TFAP2C: variants seen among roughly 807,000 people sequenced by gnomAD.
TFAP2C encodes transcription factor AP-2 gamma, also known as activating enhancer-binding protein 2 gamma.
Under a neutral mutation model 42.9 loss-of-function variants are expected in TFAP2C, and 9 were observed. That is an observed-to-expected ratio of 0.21 (90% CI 0.13 to 0.37). The LOEUF (loss-of-function observed/expected upper bound fraction) is 0.37. Among genes scored for constraint, TFAP2C ranks in the 10% least tolerant of loss-of-function variants. The pLI is 1.00. For synonymous variants in TFAP2C, 264 were observed against 256.0 expected, an observed-to-expected ratio of 1.03 and a Z score of -0.30; for missense variants, 462 against 591.7, an observed-to-expected ratio of 0.78 and a Z score of 2.27.
rs114697045 is a variant in TFAP2C, at chr20:56,629,660, C to A, written c.48+68C>A. 8.8e-4 allele frequency: 1,132 copies of A among 1,282,668 alleles called. 9 individuals carry two copies. In the African/African-American group the frequency reaches 0.014, roughly 16 times the overall value. 79.5% of individuals were successfully genotyped at this position (1,282,668 alleles called of 1,614,324 possible). A position where few individuals can be genotyped will look rare whatever the true frequency, so the allele number is the denominator to read the frequency against. The stretch of plus-strand genomic sequence containing the variant: ...AGTCCGGGAGGCAGGGGCCACTGGA[C>A]CGAGGTCGGGGACGAGGGCATAGGA... On this transcript the variant is annotated intron_variant, in intron 1 of 6. Transcript: ENST00000201031. The surrounding 1 kb of genome is among the most constrained non-coding windows in gnomAD (Gnocchi z 5.9).
intron 5 of TFAP2C, among the ~76,000 whole-genome samples, chr20:56,635,698 TTTGA>T (rs1987570866): frequency 6.6e-6 from 1 of 152,170 alleles, no homozygotes; most frequent in Non-Finnish European, 1.5e-5. Context: ...CATGGGTATG[TTTGA>T]TTATCTGTTG....
rs1457926516 is a variant in TFAP2C, at chr20:56,630,540, G to A, written c.49-665G>A. ...CGAGAACACTGCCCTTGGCAGTGCAGGGCGCCCCCACTTATTACTCCCCTC... is the reference window on the plus strand; with the variant it reads ...CGAGAACACTGCCCTTGGCAGTGCAAGGCGCCCCCACTTATTACTCCCCTC... On this transcript the variant is annotated intron_variant, in intron 1 of 6. Transcript: ENST00000201031. This position sits in a 1 kb window ranked among gnomAD's most constrained non-coding sequence, Gnocchi z 5.1. Among the ~76,000 whole-genome samples the A allele has an allele frequency of 6.6e-6, 1 of 152,186 alleles. No homozygotes were observed. The highest frequency in any genetic ancestry group is 1.5e-5 in the Non-Finnish European group (1 of 68,016).
In TFAP2C at chr20:56,631,679, G is replaced by C; in HGVS notation, c.523G>C (p.Asp175His). 1 of 1,590,428 alleles carries C rather than the reference G, an allele frequency of 6.3e-7. No homozygotes were observed. The highest frequency in any genetic ancestry group is 8.5e-7 in the Non-Finnish European group (1 of 1,169,968). Reference sequence around the variant, plus strand: ...GCTCCACGACATGCCTCACCAGATGGACGAGGTGCAGGTGAGCGGCGCTGC... The same window carrying C: ...GCTCCACGACATGCCTCACCAGATGCACGAGGTGCAGGTGAGCGGCGCTGC... ...LGLHDMPHQM[D>H]EVQNVDDQHL... The change falls in exon 2 of 7, where the codon GAC becomes CAC. Residue 175 changes from aspartate (D) to histidine (H), a missense_variant. By Grantham distance (81) the Asp-to-His change is moderately conservative (BLOSUM62 -1). This residue lies in a region of TFAP2C where 271 missense variants were observed against 269.7 expected (regional missense o/e 1.00). Transcript: ENST00000201031. This position sits in a 1 kb window ranked among gnomAD's most constrained non-coding sequence, Gnocchi z 6.1.
rs752617734 is a variant in TFAP2C, at chr20:56,629,497, G to A, written c.-48G>A. The A allele has an allele frequency of 1.4e-6, 2 of 1,383,774 alleles. No homozygotes were observed. Among genetic ancestry groups the A allele is most frequent in the Non-Finnish European group, 1.9e-6 (2 of 1,063,682 alleles). The allele number at this position is 1,383,774 out of a possible 1,614,324, so 85.7% of individuals were successfully genotyped here. A position where few individuals can be genotyped will look rare whatever the true frequency, so the allele number is the denominator to read the frequency against. ...TTTGGATTTACCGCTTGGGGGCTGG[G>A]GGGATCCTGGATTTAACTGGCGACT... On this transcript the variant is annotated 5_prime_UTR_variant, in exon 1 of 7. Transcript: ENST00000201031. The surrounding 1 kb of genome is among the most constrained non-coding windows in gnomAD (Gnocchi z 5.9).
At chr20:56,634,338 A>G in intron 5 of TFAP2C, 70 bp downstream of exon 5, 3 of 1,107,122 alleles carry the variant, frequency 2.7e-6, no homozygotes, top group Non-Finnish European at 2.7e-6. Flanking sequence ...CTTATTGCAG[A>G]AAAACTGGAA....
Position 56,633,501 on chromosome 20 carries a change from T to C in TFAP2C, c.735T>C (p.Ala245=). 1.9e-6 allele frequency: 3 copies of C among 1,614,172 alleles called. No individual in the cohort carries two copies. The highest frequency in any genetic ancestry group is 2.5e-6 in the Non-Finnish European group (3 of 1,180,030). The part of the protein sequence containing the change: ...SSTSKYKVTV[A]EVQRRLSPPE... ...CGTCTAAATACAAAGTGACAGTGGC[T>C]GAAGTACAGAGGCGACTGTCCCCAC... The change falls in exon 4 of 7, where the codon GCT becomes GCC. Residue 245 remains alanine, a synonymous_variant. Transcript: ENST00000201031.
At position 56,630,636 on chromosome 20, in the gene TFAP2C, G is replaced by T. The variant is rs1987469934; in HGVS notation, c.49-569G>T. ...CTCTTCACTTCCCAGGGCGGCGCAG[G>T]GTGGCGGGCCCTGCTTTCCGAGCGC... On this transcript the variant is annotated intron_variant, in intron 1 of 6. Transcript: ENST00000201031. This position sits in a 1 kb window ranked among gnomAD's most constrained non-coding sequence, Gnocchi z 5.1. 2.1e-6 allele frequency: 2 copies of T among 961,238 alleles called. No individual in the cohort carries two copies. Among genetic ancestry groups the T allele is most frequent in the Admixed American group, 1.2e-4 (2 of 16,234 alleles). 59.5% of individuals were successfully genotyped at this position (961,238 alleles called of 1,614,324 possible).
At chr20:56,632,250 T>C (rs1324886290) in intron 3 of TFAP2C, among the ~76,000 whole-genome samples, 1 of 152,184 alleles carries the variant, frequency 6.6e-6, no homozygotes, top group Non-Finnish European at 1.5e-5. Context: ...TAAGTTGTGA[T>C]TTTATTTTTG....
chr20:56,630,137 T>G lies in TFAP2C; in HGVS notation c.48+545T>G. ...TGGGGCCGTAAGAGCTCGCGAGTGCTCCAGCCTGTCGGACAGGTTGAGCTA... is the reference window on the plus strand; with the variant it reads ...TGGGGCCGTAAGAGCTCGCGAGTGCGCCAGCCTGTCGGACAGGTTGAGCTA... On this transcript the variant is annotated intron_variant, in intron 1 of 6. Coordinates refer to ENST00000201031, the MANE Select transcript of TFAP2C (RefSeq NM_003222.4). The surrounding 1 kb of genome is among the most constrained non-coding windows in gnomAD (Gnocchi z 5.1). The G allele has an allele frequency of 4.3e-6, 1 of 232,218 alleles. No individual in the cohort carries two copies. The allele number at this position is 232,218 out of a possible 1,614,324, so 14.4% of individuals were successfully genotyped here.
Position 56,630,333 on chromosome 20 carries a change from G to T in TFAP2C, c.48+741G>T. On this transcript the variant is annotated intron_variant, in intron 1 of 6. Transcript: ENST00000201031. The surrounding 1 kb of genome is among the most constrained non-coding windows in gnomAD (Gnocchi z 5.1). ...AGGGCTGCCCCTGCCCGCAGGCCCG[G>T]GCGCTTCCGCCAGGAGGCGACAGCG... is the stretch of plus-strand genomic sequence containing the variant. The T allele has an allele frequency of 2.3e-6, 1 of 440,932 alleles. No individual in the cohort carries two copies. 27.3% of individuals were successfully genotyped at this position (440,932 alleles called of 1,614,324 possible). A position where few individuals can be genotyped will look rare whatever the true frequency, so the allele number is the denominator to read the frequency against.
intron 5 of TFAP2C, among the ~76,000 whole-genome samples, chr20:56,634,641 C>T (rs572444321): frequency 6.6e-6 from 1 of 152,278 alleles, no homozygotes; most frequent in African/African-American, 2.4e-5. Flanking sequence ...TGGTTACTTA[C>T]TGGTGAGCAG....
In TFAP2C at chr20:56,630,726, G is replaced by T. The variant is rs1180914498; in HGVS notation, c.49-479G>T. 8 of 985,250 alleles carry T rather than the reference G, an allele frequency of 8.1e-6. No homozygotes were observed. The South Asian group carries it at 2.3e-4, about 29-fold the overall frequency. 61.0% of individuals were successfully genotyped at this position (985,250 alleles called of 1,614,324 possible). On this transcript the variant is annotated intron_variant, in intron 1 of 6. Coordinates refer to ENST00000201031, the MANE Select transcript of TFAP2C (RefSeq NM_003222.4). The surrounding 1 kb of genome is among the most constrained non-coding windows in gnomAD (Gnocchi z 5.1). The stretch of plus-strand genomic sequence containing the variant: ...AGGGTCCCGGGGGCGGGGGAGGTGC[G>T]CATTTCCCGCGCCGCGCACTCTATC...
At chr20:56,636,788 AATGCTCTAGACCTTG>A in intron 6 of TFAP2C, 34 bp downstream of exon 6, 1 of 1,601,216 alleles carries the variant, frequency 6.2e-7, no homozygotes. Context: ...ATGATGACTC[AATGCTCTAGACCTTG>A]AGGTTGAGAA....
At position 56,630,474 on chromosome 20, in the gene TFAP2C, AAT is replaced by A. The variant is rs901006188; in HGVS notation, c.49-730_49-729del. On this transcript the variant is annotated intron_variant, in intron 1 of 6. Coordinates refer to ENST00000201031, the MANE Select transcript of TFAP2C (RefSeq NM_003222.4). The surrounding 1 kb of genome is among the most constrained non-coding windows in gnomAD (Gnocchi z 5.1). ...GGAACGTGCGCGGGCAAGGCTGCCC[AAT>A]TTCCAGGGTTCTTCATGCCCCCTCT... 1 of 371,772 alleles carries A rather than the reference AAT, an allele frequency of 2.7e-6. No individual in the cohort carries two copies. The highest frequency in any genetic ancestry group is 2.2e-5 in the African/African-American group (1 of 46,068). The allele number at this position is 371,772 out of a possible 1,614,324, so 23.0% of individuals were successfully genotyped here.
At chr20:56,632,837 C>G (rs1987516922) in intron 3 of TFAP2C, among the ~76,000 whole-genome samples, 1 of 152,030 alleles carries the variant, frequency 6.6e-6, no homozygotes, top group African/African-American at 2.4e-5. Context: ...AAAAGAAACC[C>G]TCCAAGCTTT....
rs1009515472 is a variant in TFAP2C at position 56,630,026 on chromosome 20, C to T, written c.48+434C>T. On this transcript the variant is annotated intron_variant, in intron 1 of 6. Transcript: ENST00000201031. This position sits in a 1 kb window ranked among gnomAD's most constrained non-coding sequence, Gnocchi z 5.1. ...CGGCTTGTCACCTGCCCCGCTACCT[C>T]CTCGGGGAAGCACGAAAACAACCGA... 7.2e-5 allele frequency among the ~76,000 whole-genome samples: 11 copies of T among 152,140 alleles called. No individual in the cohort carries two copies. The highest frequency in any genetic ancestry group is 2.7e-4 in the African/African-American group (11 of 41,446).
chr20:56,638,163 C>T lies in TFAP2C; in HGVS notation c.*150C>T, dbSNP rs967020119. Reference sequence around the variant, plus strand: ...AAGAGCCTTCACTGGTTCTGCATCACCCGCCCCTGGACTTCTTAGTTGTTT... The same window carrying T: ...AAGAGCCTTCACTGGTTCTGCATCATCCGCCCCTGGACTTCTTAGTTGTTT... On this transcript the variant is annotated 3_prime_UTR_variant, in exon 7 of 7. Transcript: ENST00000201031. 3 of 692,148 alleles carry T rather than the reference C, an allele frequency of 4.3e-6. No homozygotes were observed. Among genetic ancestry groups the T allele is most frequent in the Non-Finnish European group, 7.1e-6 (3 of 421,542 alleles). The allele number at this position is 692,148 out of a possible 1,614,324, so 42.9% of individuals were successfully genotyped here.
chr20:56,631,943 C>T lies in TFAP2C; in HGVS notation c.586+87C>T. ...GGCAAGGTTGGGGGTATTTGGTGGC[C>T]AGCGTGGGACATTTGTGGTAGAAGG... On this transcript the variant is annotated intron_variant, in intron 3 of 6. Coordinates refer to ENST00000201031, the MANE Select transcript of TFAP2C (RefSeq NM_003222.4). The surrounding 1 kb of genome is among the most constrained non-coding windows in gnomAD (Gnocchi z 6.1). 3 of 1,444,438 alleles carry T rather than the reference C, an allele frequency of 2.1e-6. No individual in the cohort carries two copies. Among genetic ancestry groups the T allele is most frequent in the Non-Finnish European group, 2.9e-6 (3 of 1,027,480 alleles). The allele number at this position is 1,444,438 out of a possible 1,614,324, so 89.5% of individuals were successfully genotyped here.
Position 56,631,376 on chromosome 20 carries a change from G to A in TFAP2C, c.220G>A (p.Asp74Asn). 1 of 1,611,110 alleles carries A rather than the reference G, an allele frequency of 6.2e-7. No individual in the cohort carries two copies. Among genetic ancestry groups the A allele is most frequent in the Non-Finnish European group, 8.5e-7 (1 of 1,179,078 alleles). The change falls in exon 2 of 7, where the codon GAC becomes AAC. Residue 74 changes from aspartate (D) to asparagine (N), a missense_variant. By Grantham distance (23) the Asp-to-Asn change is conservative. Around this residue, in one of 5 missense-constraint regions of TFAP2C, gnomAD observed 271 missense variants for 269.7 expected, o/e 1.00. Coordinates refer to ENST00000201031, the MANE Select transcript of TFAP2C (RefSeq NM_003222.4). The surrounding 1 kb of genome is among the most constrained non-coding windows in gnomAD (Gnocchi z 6.1). ...GCAGCTGGCCTACTCCCAGTCGGCC[G>A]ACCCCTACTCGCATCTGGGGGAAGC... The part of the protein sequence containing the change: ...YQQLAYSQSA[D>N]PYSHLGEAYA...
Sources: gnomAD v4.1 joint callset for allele counts (sites outside exome capture counted in the v4.1 genomes callset) on GRCh38, gnomAD v4.1.1 for gene constraint, gnomAD v4.1.1 regional missense constraint, Gnocchi (gnomAD v3.1) non-coding constraint, MANE v1.5 for transcripts, NCBI Gene and HGNC (gene_info 2026-07-23, HGNC 2026-07-21) for gene names.